Variants in RIMBP2 observed in about 807,000 individuals in gnomAD.
RIMBP2 encodes the protein RIMS-binding protein 2.
A neutral mutation model predicts 118.6 loss-of-function variants in RIMBP2; 48 were observed. The observed-to-expected ratio is 0.40, with a 90% CI of 0.32 to 0.51. The LOEUF is 0.51. Ranked by LOEUF, RIMBP2 falls within the 20% of genes least tolerant of loss-of-function variation. The pLI, the probability that RIMBP2 is intolerant of heterozygous loss-of-function variation, is 0.41. For synonymous variants in RIMBP2, 762 were observed against 742.9 expected (o/e 1.03, Z -0.42); for missense variants, 1,551 against 1,768.3 (o/e 0.88, Z 2.20).
chr12:130,404,137 G>T (rs548322215), intron 21 of RIMBP2, among the ~76,000 whole-genome samples: 58 of 152,252 alleles, frequency 3.8e-4, no homozygotes, highest in African/African-American at 1.3e-3. Context: ...CAATCTGTGG[G>T]AACCCAAGGG....
intron 2 of RIMBP2, among the ~76,000 whole-genome samples, chr12:130,562,467 C>G (rs1400767092): frequency 6.6e-6 from 1 of 152,212 alleles, no homozygotes; most frequent in East Asian, 1.9e-4. Context: ...TGCTGTCAGG[C>G]TGAAGTGACA....
At chr12:130,497,868 T>TA (rs2049338015) in intron 4 of RIMBP2, among the ~76,000 whole-genome samples, 1 of 152,192 alleles carries the variant, frequency 6.6e-6, no homozygotes, top group Non-Finnish European at 1.5e-5. Context: ...GACTCTGGGT[T>TA]AAATGCAACA....
chr12:130,571,442 CAG>C (rs1286729534), intron 2 of RIMBP2, among the ~76,000 whole-genome samples: 1 of 131,752 alleles, frequency 7.6e-6, no homozygotes, highest in East Asian at 2.2e-4. Context: ...TTTTTGGAGA[CAG>C]AGTCTCACTT....
chr12:130,618,073 T>C (rs2061065913), intron 2 of RIMBP2, among the ~76,000 whole-genome samples: 1 of 133,814 alleles, frequency 7.5e-6, no homozygotes, highest in Admixed American at 7.3e-5. Flanking sequence ...CTAACTCTCA[T>C]AAGAGTCACG....
intron 3 of RIMBP2, 39 bp from the exon 4 acceptor site, chr12:130,506,809 A>T (rs2050400803): frequency 1.0e-6 from 1 of 985,542 alleles, no homozygotes; most frequent in Non-Finnish European, 1.2e-6. Flanking sequence ...GGTTATCACA[A>T]CATGCCTAAG....
At chr12:130,587,833 AAAAAAAAAAG>A (rs1249642351) in intron 2 of RIMBP2, among the ~76,000 whole-genome samples, 1 of 150,482 alleles carries the variant, frequency 6.6e-6, no homozygotes, top group Non-Finnish European at 1.5e-5. Context: ...GTATAATAAA[AAAAAAAAAAG>A]AAAAAAAAAA....
In RIMBP2 at chr12:130,424,198, T is replaced by A. The variant is rs1036563035; in HGVS notation, c.3073A>T (p.Ser1025Cys). The change falls in exon 16 of 23, where the codon AGT (serine) becomes TGT (cysteine). Residue 1025 changes from serine to cysteine, a missense_variant. By Grantham distance (112) the Ser-to-Cys change is moderately radical. Transcript: ENST00000690449. This position sits in a 1 kb window ranked among gnomAD's most constrained non-coding sequence, Gnocchi z 9.8. ...VWKKSITMPD[S>C]RAAAPHAKPP... ...TTTGCGTGGGGGGCAGCTGCCCTAC[T>A]GTCGGGCATGGTTATGCTTTTCTTC... 33 of 1,232,068 alleles carry A rather than the reference T, an allele frequency of 2.7e-5. No homozygotes were observed. Among genetic ancestry groups the A allele is most frequent in the Non-Finnish European group, 3.2e-5 (32 of 987,962 alleles). The allele number at this position is 1,232,068 out of a possible 1,614,324, so 76.3% of individuals were successfully genotyped here.
chr12:130,544,293 G>A lies in RIMBP2; in HGVS notation c.-216-26376C>T, dbSNP rs552588598. Among the ~76,000 whole-genome samples, 40 of 152,264 alleles carry A rather than the reference G, an allele frequency of 2.6e-4. No individual in the cohort carries two copies. The South Asian group carries it at 5.2e-3, about 20-fold the overall frequency. ...GTAGGTGCTTTTGTTAATCTGTTTT[G>A]TCTAGAGCTGTGTTTAAGCCATGCT... is the stretch of plus-strand genomic sequence containing the variant. On this transcript the variant is annotated intron_variant, in intron 2 of 22. Coordinates refer to ENST00000690449, the MANE Select transcript of RIMBP2 (RefSeq NM_001393629.1).
intron 2 of RIMBP2, among the ~76,000 whole-genome samples, chr12:130,583,191 A>G (rs997706051): frequency 2.0e-5 from 3 of 152,226 alleles, no homozygotes; most frequent in Non-Finnish European, 4.4e-5. Context: ...CCAACACTCT[A>G]TGTTGTGTGG....
In RIMBP2 at chr12:130,670,114, T is replaced by A. The variant is rs1213094595; in HGVS notation, c.-351-41658A>T. On this transcript the variant is annotated intron_variant, in intron 1 of 22. Coordinates refer to ENST00000690449, the MANE Select transcript of RIMBP2 (RefSeq NM_001393629.1). The surrounding 1 kb of genome is among the most constrained non-coding windows in gnomAD (Gnocchi z 4.9). ...ATACACAGAAGAGGAGAGGGTAATGTGACCCCGGGGGCAGACACTGGAGTG... is the reference window on the plus strand; with the variant it reads ...ATACACAGAAGAGGAGAGGGTAATGAGACCCCGGGGGCAGACACTGGAGTG... Among the ~76,000 whole-genome samples the A allele has an allele frequency of 6.6e-6, 1 of 152,030 alleles. No homozygotes were observed. Among genetic ancestry groups the A allele is most frequent in the Non-Finnish European group, 1.5e-5 (1 of 68,012 alleles).
At chr12:130,610,228 G>A (rs893107777) in intron 2 of RIMBP2, among the ~76,000 whole-genome samples, 8 of 151,616 alleles carry the variant, frequency 5.3e-5, no homozygotes, top group African/African-American at 1.9e-4. Context: ...CGTTCTGGGG[G>A]AAAATGGGAA....
intron 14 of RIMBP2, among the ~76,000 whole-genome samples, chr12:130,432,989 G>A (rs549247137): frequency 3.9e-5 from 6 of 152,166 alleles, no homozygotes; most frequent in Non-Finnish European, 7.3e-5. Flanking sequence ...CTGGGGCCGA[G>A]GGGTCAAGGC....
chr12:130,699,047 G>A (rs1181790888), intron 1 of RIMBP2, among the ~76,000 whole-genome samples: 1 of 152,180 alleles, frequency 6.6e-6, no homozygotes, highest in African/African-American at 2.4e-5. Flanking sequence ...TCTCACACCA[G>A]TTAGAATGGT....
chr12:130,531,860 T>C (rs1361128638), intron 2 of RIMBP2, among the ~76,000 whole-genome samples: 1 of 150,912 alleles, frequency 6.6e-6, no homozygotes, highest in Non-Finnish European at 1.5e-5. Context: ...TGCGTATGTT[T>C]AGCCTCTAGG....
chr12:130,582,986 A>G (rs11061010), intron 2 of RIMBP2, among the ~76,000 whole-genome samples: 32,291 of 152,192 alleles, frequency 0.21, 3,825 homozygotes, highest in East Asian at 0.36. Flanking sequence ...TTCTATACTT[A>G]AGAATGTTCA....
At chr12:130,481,254 T>TA (rs999271223) in intron 4 of RIMBP2, among the ~76,000 whole-genome samples, 3 of 151,860 alleles carry the variant, frequency 2.0e-5, no homozygotes, top group Non-Finnish European at 4.4e-5. Flanking sequence ...AAGGTAGCCC[T>TA]ACTGCTACCT....
intron 2 of RIMBP2, among the ~76,000 whole-genome samples, chr12:130,550,790 G>A (rs116010886): frequency 9.9e-5 from 15 of 152,202 alleles, no homozygotes; most frequent in Non-Finnish European, 2.1e-4. Flanking sequence ...GACACAAAAG[G>A]TAATCTCTGT....
chr12:130,689,074 T>A lies in RIMBP2; in HGVS notation c.-352+27148A>T, dbSNP rs552567775. Among the ~76,000 whole-genome samples, 17 of 152,316 alleles carry A rather than the reference T, an allele frequency of 1.1e-4. No individual in the cohort carries two copies. In the East Asian group the frequency reaches 2.9e-3, roughly 26 times the overall value. ...CTGCGCTTACAGAAACACTGATTGA[T>A]ACACCAGATAAATCCTCGAGACCAA... On this transcript the variant is annotated intron_variant, in intron 1 of 22. Coordinates refer to ENST00000690449, the MANE Select transcript of RIMBP2 (RefSeq NM_001393629.1).
rs971740966 is a variant in RIMBP2 at position 130,397,462 on chromosome 12, A to G, written c.3988T>C (p.Ser1330Pro). ...HSGSPTSSMGSGSPGRGREMS... is the reference protein window; with the variant it reads ...HSGSPTSSMGPGSPGRGREMS... ...TCCCTGCCTCTCCCAGGACTACCAGAACCCATAGATGACGTAGGTGACCCC... is the reference window on the plus strand; with the variant it reads ...TCCCTGCCTCTCCCAGGACTACCAGGACCCATAGATGACGTAGGTGACCCC... Residue 1330 changes from serine to proline, a missense_variant, in exon 23 of 23, where the codon TCT becomes CCT. This residue lies in a region of RIMBP2 where 1,038 missense variants were observed against 1,125.1 expected (regional missense o/e 0.92). Transcript: ENST00000690449. 3 of 398,848 alleles carry G rather than the reference A, an allele frequency of 7.5e-6. No individual in the cohort carries two copies. The highest frequency in any genetic ancestry group is 8.8e-6 in the Non-Finnish European group (2 of 226,080). The allele number at this position is 398,848 out of a possible 1,614,324, so 24.7% of individuals were successfully genotyped here. A position where few individuals can be genotyped will look rare whatever the true frequency, so the allele number is the denominator to read the frequency against.
Sources: allele counts gnomAD v4.1 joint callset (sites outside exome capture counted in the v4.1 genomes callset), GRCh38; gene constraint gnomAD v4.1.1; regional missense constraint gnomAD v4.1.1; non-coding constraint Gnocchi (gnomAD v3.1); transcripts MANE v1.5; gene names NCBI Gene and HGNC (gene_info 2026-07-23, HGNC 2026-07-21).